The following NFIA variants were observed in gnomAD, a reference collection of about 807,000 sequenced individuals.
NFIA encodes the protein nuclear factor 1 A-type.
In NFIA, 8 loss-of-function variants were observed where a neutral mutation model predicts 62.8. That is an observed-to-expected ratio of 0.13 (90% confidence interval 0.07 to 0.23). NFIA has a LOEUF of 0.23. Among genes scored for constraint, NFIA ranks in the 10% least tolerant of loss-of-function variants. NFIA has a pLI of 1.00. For synonymous variants in NFIA, 235 were observed against 238.1 expected (o/e 0.99, Z 0.12); for missense variants, 410 against 642.1 (o/e 0.64, Z 3.91).
intron 10 of NFIA, among the ~76,000 whole-genome samples, chr1:61,433,971 C>G (rs1667218745): frequency 6.6e-6 from 1 of 152,206 alleles, no homozygotes. Flanking sequence ...AATTAGGAAG[C>G]CTCCTACTAC....
At chr1:61,079,770 G>C (rs1000770521), upstream of NFIA, among the ~76,000 whole-genome samples, 6 of 152,090 alleles carry the variant, frequency 3.9e-5, no homozygotes, top group Non-Finnish European at 8.8e-5. Flanking sequence ...GTATCTTTGT[G>C]AACTCTGGAC....
intron 10 of NFIA, among the ~76,000 whole-genome samples, chr1:61,435,882 G>C (rs1667305917): frequency 6.6e-6 from 1 of 152,150 alleles, no homozygotes; most frequent in Non-Finnish European, 1.5e-5. Flanking sequence ...TCCAGTAGTT[G>C]CACTTGACCC....
chr1:61,304,232 C>T (rs1033794408), intron 3 of NFIA, among the ~76,000 whole-genome samples: 13 of 151,680 alleles, frequency 8.6e-5, no homozygotes, highest in African/African-American at 2.2e-4. Context: ...GCCAAGATCA[C>T]GCCACTGCAC....
At chr1:61,327,049 G>T (rs1362639619) in intron 3 of NFIA, among the ~76,000 whole-genome samples, 1 of 137,316 alleles carries the variant, frequency 7.3e-6, no homozygotes, top group African/African-American at 2.5e-5. Context: ...ATATATATAT[G>T]ATATGTATAT....
At chr1:61,174,112 C>T (rs1650163243) in intron 2 of NFIA, among the ~76,000 whole-genome samples, 1 of 152,148 alleles carries the variant, frequency 6.6e-6, no homozygotes, top group South Asian at 2.1e-4. Context: ...CATTTTGTCT[C>T]TCATCTTTTC....
At chr1:61,321,888 TC>T (rs1451352452) in intron 3 of NFIA, among the ~76,000 whole-genome samples, 1 of 152,202 alleles carries the variant, frequency 6.6e-6, no homozygotes, top group Non-Finnish European at 1.5e-5. Context: ...GAACTTTCTT[TC>T]TATGAAGTCA....
At chr1:61,367,152 A>G (rs1663633992) in intron 6 of NFIA, among the ~76,000 whole-genome samples, 1 of 152,176 alleles carries the variant, frequency 6.6e-6, no homozygotes, top group South Asian at 2.1e-4. Flanking sequence ...TAAATATCAC[A>G]TATTAGGTTC....
intron 5 of NFIA, among the ~76,000 whole-genome samples, chr1:61,353,824 CAG>C (rs1662682785): frequency 6.6e-6 from 1 of 152,074 alleles, no homozygotes; most frequent in Non-Finnish European, 1.5e-5. Context: ...ATCAGCTCCT[CAG>C]GGGGACAAAA....
At chr1:61,251,005 T>C (rs1349313946) in intron 2 of NFIA, 1 of 152,218 alleles carries the variant, frequency 6.6e-6, no homozygotes, top group Non-Finnish European at 1.5e-5. Flanking sequence ...TGGAGAGCCT[T>C]CATTTCTCTT....
At chr1:61,129,598 C>T (rs572036053) in intron 2 of NFIA, among the ~76,000 whole-genome samples, 2 of 151,718 alleles carry the variant, frequency 1.3e-5, no homozygotes, top group East Asian at 1.9e-4. Flanking sequence ...TATAGGTGCA[C>T]GCCACCCGCC....
At chr1:61,340,503 G>A (rs1661840489) in intron 4 of NFIA, among the ~76,000 whole-genome samples, 1 of 152,178 alleles carries the variant, frequency 6.6e-6, no homozygotes, top group Non-Finnish European at 1.5e-5. Flanking sequence ...CTGAGTCTAA[G>A]TCCAAGTACT....
chr1:61,401,213 A>G (rs1426090922), intron 7 of NFIA, among the ~76,000 whole-genome samples: 2 of 152,194 alleles, frequency 1.3e-5, no homozygotes, highest in Non-Finnish European at 2.9e-5. Context: ...CAATTGCCCA[A>G]TTTGAAACTA....
intron 5 of NFIA, among the ~76,000 whole-genome samples, chr1:61,356,539 A>T (rs1157144818): frequency 6.6e-6 from 1 of 152,234 alleles, no homozygotes; most frequent in Non-Finnish European, 1.5e-5. Flanking sequence ...TAATAAAAGG[A>T]TACAAGATAA....
intron 2 of NFIA, among the ~76,000 whole-genome samples, chr1:61,166,832 A>G (rs1418301410): frequency 6.6e-6 from 1 of 152,160 alleles, no homozygotes; most frequent in Non-Finnish European, 1.5e-5. Context: ...TCTTGTACTT[A>G]AAGAACTTAC....
chr1:61,212,754 C>G (rs998331121), intron 2 of NFIA, among the ~76,000 whole-genome samples: 2 of 152,214 alleles, frequency 1.3e-5, no homozygotes, highest in South Asian at 4.1e-4. Context: ...TGCAGACCCC[C>G]ACCCTGCTCA....
chr1:61,313,706 T>C lies in NFIA; in HGVS notation c.626-18806T>C, dbSNP rs535158970. On this transcript the variant is annotated intron_variant, in intron 3 of 10. Transcript: ENST00000403491. The stretch of plus-strand genomic sequence containing the variant: ...TCCATCATTTGGTGAGAAAAAAAAA[T>C]CTATGGTACTTAGATGTGCACATCA... 2.0e-5 allele frequency among the ~76,000 whole-genome samples: 3 copies of C among 152,236 alleles called. No individual in the cohort carries two copies. The South Asian group carries it at 6.2e-4, about 32-fold the overall frequency.
At chr1:61,400,746 T>G (rs368051964) in intron 7 of NFIA, among the ~76,000 whole-genome samples, 1 of 152,182 alleles carries the variant, frequency 6.6e-6, no homozygotes, top group Non-Finnish European at 1.5e-5. Context: ...ATAATGGTAG[T>G]TTTTTTCTAT....
intron 7 of NFIA, among the ~76,000 whole-genome samples, chr1:61,395,575 C>T (rs959820443): frequency 2.0e-5 from 3 of 152,138 alleles, no homozygotes; most frequent in Non-Finnish European, 4.4e-5. Flanking sequence ...TTACATGTTA[C>T]GTAAAAGTTC....
intron 2 of NFIA, among the ~76,000 whole-genome samples, chr1:61,109,493 A>T (rs1646659697): frequency 2.7e-5 from 4 of 150,114 alleles, no homozygotes; most frequent in Non-Finnish European, 4.5e-5. Flanking sequence ...TCTTATGAGT[A>T]TTTTTTTTTG....
Sources: allele counts gnomAD v4.1 joint callset (sites outside exome capture counted in the v4.1 genomes callset), GRCh38; gene constraint gnomAD v4.1.1; transcripts MANE v1.5; gene names NCBI Gene and HGNC (gene_info 2026-07-23, HGNC 2026-07-21).